ARHGAP12: variants seen among roughly 807,000 people sequenced by gnomAD.
ARHGAP12 encodes the protein rho GTPase-activating protein 12.
Under a neutral mutation model 108.6 loss-of-function variants are expected in ARHGAP12, and 64 were observed. That is an observed-to-expected ratio of 0.59 (90% CI 0.48 to 0.73). ARHGAP12 has a LOEUF of 0.73. Ranked by LOEUF, ARHGAP12 falls within the 30% of genes least tolerant of loss-of-function variation. ARHGAP12 has a pLI of 0.00. For missense variants in ARHGAP12, 940 were observed against 1,005.9 expected (o/e 0.93, Z 0.89); for synonymous variants, 312 against 337.2 (o/e 0.93, Z 0.82).
chr10:31,846,899 A>ATTTT (rs377177944), intron 6 of ARHGAP12, among the ~76,000 whole-genome samples: 50 of 84,612 alleles, frequency 5.9e-4, no homozygotes, highest in Non-Finnish European at 8.9e-4. Flanking sequence ...GGCACTGTTC[A>ATTTT]TTTTTTTTTT....
intron 10 of ARHGAP12, among the ~76,000 whole-genome samples, chr10:31,828,215 A>C (rs1221574923): frequency 2.9e-5 from 2 of 69,580 alleles, no homozygotes; most frequent in Non-Finnish European, 5.3e-5. Context: ...GACACACCTT[A>C]TTGCTTTTTT....
rs564405861 is a variant in ARHGAP12, at chr10:31,876,998, A to T, written c.685-15340T>A. On this transcript the variant is annotated intron_variant, in intron 3 of 19. Coordinates refer to ENST00000344936, the MANE Select transcript of ARHGAP12 (RefSeq NM_018287.7). ...TCTGAAGACTCAATATCCTGTTCCA[A>T]GATCACTTGAGACATGTGTCAGCTC... is the stretch of plus-strand genomic sequence containing the variant. Among the ~76,000 whole-genome samples, 367 of 152,338 alleles carry T rather than the reference A, an allele frequency of 2.4e-3. 3 individuals carry two copies. Among genetic ancestry groups the T allele is most frequent in the African/African-American group, 8.4e-3 (350 of 41,576 alleles).
At chr10:31,911,761 C>T (rs937647126) in intron 1 of ARHGAP12, among the ~76,000 whole-genome samples, 20 of 152,158 alleles carry the variant, frequency 1.3e-4, no homozygotes, top group East Asian at 3.8e-4. Flanking sequence ...ATGTCACCTA[C>T]GTTATATTCT....
chr10:31,922,180 C>CAAAAAAAAAAAAAAA (rs56210740), intron 1 of ARHGAP12, among the ~76,000 whole-genome samples: 2 of 66,134 alleles, frequency 3.0e-5, no homozygotes, highest in Non-Finnish European at 5.6e-5. Flanking sequence ...GACCCTGCCT[C>CAAAAAAAAAAAAAAA]AAAAAAAAAA....
intron 3 of ARHGAP12, among the ~76,000 whole-genome samples, chr10:31,906,134 T>C (rs1839124958): frequency 6.6e-6 from 1 of 152,122 alleles, no homozygotes; most frequent in South Asian, 2.1e-4. Context: ...GAGGCCCAAC[T>C]AGCCCCACGT....
intron 7 of ARHGAP12, among the ~76,000 whole-genome samples, chr10:31,841,565 ATAAT>A (rs1435361099): frequency 6.6e-6 from 1 of 152,182 alleles, no homozygotes; most frequent in East Asian, 1.9e-4. Flanking sequence ...ACAACGGTAA[ATAAT>A]TGATATTCTA....
chr10:31,900,677 G>A (rs1200112085), intron 3 of ARHGAP12, among the ~76,000 whole-genome samples: 9 of 152,178 alleles, frequency 5.9e-5, no homozygotes, highest in Non-Finnish European at 7.3e-5. Flanking sequence ...TAGATGACTG[G>A]TTGCCAGAAG....
intron 3 of ARHGAP12, among the ~76,000 whole-genome samples, chr10:31,862,489 TG>T (rs1171893043): frequency 1.3e-5 from 2 of 152,170 alleles, no homozygotes; most frequent in African/African-American, 4.8e-5. Flanking sequence ...CTTCAGTTGC[TG>T]AAGAAAAAAA....
intron 3 of ARHGAP12, among the ~76,000 whole-genome samples, chr10:31,870,520 G>C (rs1430600796): frequency 5.3e-5 from 8 of 151,878 alleles, no homozygotes; most frequent in Non-Finnish European, 1.0e-4. Flanking sequence ...TGAGCCACCG[G>C]ACCCAGCCAT....
chr10:31,885,629 G>A (rs2132382332), intron 3 of ARHGAP12, among the ~76,000 whole-genome samples: 1 of 152,100 alleles, frequency 6.6e-6, no homozygotes, highest in East Asian at 1.9e-4. Flanking sequence ...GACCAGCCTG[G>A]CCAACATGGC....
intron 3 of ARHGAP12, among the ~76,000 whole-genome samples, chr10:31,894,702 C>T (rs1484805186): frequency 1.3e-5 from 2 of 152,112 alleles, no homozygotes; most frequent in Admixed American, 6.5e-5. Context: ...CATTGCCATC[C>T]CCAACAAGCT....
chr10:31,810,635 A>C lies in ARHGAP12; in HGVS notation c.2050+14T>G. The C allele has an allele frequency of 6.5e-7, 1 of 1,533,170 alleles. No individual in the cohort carries two copies. The highest frequency in any genetic ancestry group is 8.8e-7 in the Non-Finnish European group (1 of 1,142,534). 95.0% of individuals were successfully genotyped at this position (1,533,170 alleles called of 1,614,324 possible). A position where few individuals can be genotyped will look rare whatever the true frequency, so the allele number is the denominator to read the frequency against. Reference sequence around the variant, plus strand: ...GCTTAATGTTAAAAAAAAAAATCAAAATCCTTCTCTTACCATGTTCTTCAA... The same window carrying C: ...GCTTAATGTTAAAAAAAAAAATCAACATCCTTCTCTTACCATGTTCTTCAA... On this transcript the variant is annotated intron_variant, in intron 16 of 19. Coordinates refer to ENST00000344936, the MANE Select transcript of ARHGAP12 (RefSeq NM_018287.7).
chr10:31,887,688 C>A (rs572294549), intron 3 of ARHGAP12, among the ~76,000 whole-genome samples: 1 of 140,070 alleles, frequency 7.1e-6, no homozygotes, highest in Non-Finnish European at 1.5e-5. Context: ...GATGGAGTCT[C>A]GCTTTGTCGC....
At chr10:31,913,941 C>A (rs1047702959) in intron 1 of ARHGAP12, among the ~76,000 whole-genome samples, 16 of 151,786 alleles carry the variant, frequency 1.1e-4, no homozygotes, top group African/African-American at 3.9e-4. Flanking sequence ...TGGTATAGCA[C>A]GGGGGTTGTA....
chr10:31,833,498 T>TAG (rs1835908136), intron 9 of ARHGAP12, among the ~76,000 whole-genome samples: 1 of 152,092 alleles, frequency 6.6e-6, no homozygotes, highest in African/African-American at 2.4e-5. Flanking sequence ...AACTGGAACA[T>TAG]AACTGAGCAT....
At chr10:31,908,114 A>G in intron 3 of ARHGAP12, 58 bp downstream of exon 3, 1 of 1,447,038 alleles carries the variant, frequency 6.9e-7, no homozygotes, top group South Asian at 1.4e-5. Context: ...AATTAAAACT[A>G]TAACTAATAT....
chr10:31,882,076 G>A (rs554200047), intron 3 of ARHGAP12, among the ~76,000 whole-genome samples: 100 of 151,818 alleles, frequency 6.6e-4, no homozygotes, highest in African/African-American at 2.2e-3. Flanking sequence ...CACTACGCCC[G>A]GCTAATTTTT....
intron 15 of ARHGAP12, 131 bp from the exon 16 acceptor site, chr10:31,810,878 G>T (rs1834991974): frequency 3.1e-6 from 2 of 648,486 alleles, no homozygotes; most frequent in Non-Finnish European, 5.3e-6. Context: ...TATGCCTTAT[G>T]CAATATGCAT....
intron 3 of ARHGAP12, among the ~76,000 whole-genome samples, chr10:31,894,207 T>C (rs1221865561): frequency 1.3e-5 from 2 of 152,202 alleles, no homozygotes; most frequent in African/African-American, 4.8e-5. Flanking sequence ...ATGCCCTCTC[T>C]CATCACTCCT....
Sources: allele counts gnomAD v4.1 joint callset (sites outside exome capture counted in the v4.1 genomes callset), GRCh38; gene constraint gnomAD v4.1.1; transcripts MANE v1.5; gene names NCBI Gene and HGNC (gene_info 2026-07-23, HGNC 2026-07-21).